RBFOX1: variants seen among roughly 807,000 people sequenced by gnomAD.
RBFOX1 encodes the protein RNA binding fox-1 homolog 1.
RBFOX1 carries 8 observed loss-of-function variants against 57.7 expected under a neutral mutation model. The ratio of observed to expected loss-of-function variants is 0.14; its 90% CI spans 0.08 to 0.25. The LOEUF is 0.25. RBFOX1 is among the 10% of genes least tolerant of loss of function. The probability of loss-of-function intolerance (pLI) is 1.00; values close to 1 mark genes in which losing one functional copy is unlikely to be tolerated. For missense variants in RBFOX1, 611 were observed against 548.5 expected (o/e 1.11, Z -1.14); for synonymous variants, 326 against 222.4 (o/e 1.47, Z -4.15).
chr16:6,880,887 C>G (rs958000030), intron 3 of RBFOX1, among the ~76,000 whole-genome samples: 1 of 152,154 alleles, frequency 6.6e-6, no homozygotes, highest in African/African-American at 2.4e-5. Flanking sequence ...CAGAAATAAG[C>G]TACTTGAAGC....
intron 3 of RBFOX1, among the ~76,000 whole-genome samples, chr16:6,780,238 TATTTAC>T (rs1410498009): frequency 1.2e-5 from 1 of 85,446 alleles, no homozygotes; most frequent in African/African-American, 5.2e-5. Context: ...TATTTATATA[TATTTAC>T]ATATATATTT....
At chr16:7,697,436 C>T (rs1489028754) in intron 14 of RBFOX1, among the ~76,000 whole-genome samples, 1 of 152,122 alleles carries the variant, frequency 6.6e-6, no homozygotes. Flanking sequence ...TTGTTGAGGG[C>T]TTTGCTGAAC....
intron 2 of RBFOX1, among the ~76,000 whole-genome samples, chr16:5,469,418 C>T (rs560367277): frequency 6.6e-4 from 100 of 152,260 alleles, no homozygotes; most frequent in African/African-American, 2.2e-3. Flanking sequence ...CAGGGATTAT[C>T]CCAGGTGCCT....
At chr16:5,412,137 G>T (rs547898466) in intron 1 of RBFOX1, among the ~76,000 whole-genome samples, 2 of 151,940 alleles carry the variant, frequency 1.3e-5, no homozygotes, top group African/African-American at 4.8e-5. Context: ...TCTCTGGACA[G>T]AGGTCAAACG....
intron 3 of RBFOX1, among the ~76,000 whole-genome samples, chr16:6,895,225 G>T (rs1442094385): frequency 6.6e-6 from 1 of 151,682 alleles, no homozygotes; most frequent in Non-Finnish European, 1.5e-5. Flanking sequence ...CCAAACCTCA[G>T]AGACCAAATG....
At chr16:5,717,483 A>T (rs1193814500) in intron 3 of RBFOX1, among the ~76,000 whole-genome samples, 2 of 152,154 alleles carry the variant, frequency 1.3e-5, no homozygotes, top group African/African-American at 4.8e-5. Context: ...TCCAATATGT[A>T]GTCTTTTATC....
chr16:6,421,291 G>A (rs368296454), intron 2 of RBFOX1, among the ~76,000 whole-genome samples: 1 of 152,206 alleles, frequency 6.6e-6, no homozygotes, highest in Non-Finnish European at 1.5e-5. Flanking sequence ...GGGAGAAGGA[G>A]TCTTGAGCCC....
rs141513886 is a variant in RBFOX1, at chr16:7,392,536, G to A, written c.28-125611G>A. On this transcript the variant is annotated intron_variant, in intron 4 of 15. Transcript: ENST00000550418. ...ATGGGAGATATTTAGGGTCAAGGAA[G>A]AAAGAAGGCAGGCATGTTCATATTT... Among the ~76,000 whole-genome samples, 3 of 152,334 alleles carry A rather than the reference G, an allele frequency of 2.0e-5. No individual in the cohort carries two copies. In the East Asian group the frequency reaches 5.8e-4, roughly 29 times the overall value.
Position 6,580,018 on chromosome 16 carries a change from G to A in RBFOX1, c.-63-74585G>A, listed in dbSNP as rs192326280. Reference sequence around the variant, plus strand: ...CTGTCGCCCAGGCTGGAGTGCAGCGGTGTGATCTCAGATCACTGCAACTTC... The same window carrying A: ...CTGTCGCCCAGGCTGGAGTGCAGCGATGTGATCTCAGATCACTGCAACTTC... On this transcript the variant is annotated intron_variant, in intron 2 of 15. Transcript: ENST00000550418. Among the ~76,000 whole-genome samples, 73 of 152,026 alleles carry A rather than the reference G, an allele frequency of 4.8e-4. 1 individual carries two copies. The highest frequency in any genetic ancestry group is 7.6e-4 in the Non-Finnish European group (52 of 68,010).
At chr16:7,377,892 C>T (rs2097713428) in intron 4 of RBFOX1, among the ~76,000 whole-genome samples, 1 of 152,032 alleles carries the variant, frequency 6.6e-6, no homozygotes, top group African/African-American at 2.4e-5. Flanking sequence ...ATTGATGCTC[C>T]CATAGTTTGG....
At chr16:6,620,154 T>C (rs887303587) in intron 2 of RBFOX1, among the ~76,000 whole-genome samples, 3 of 152,148 alleles carry the variant, frequency 2.0e-5, no homozygotes, top group Admixed American at 2.0e-4. Flanking sequence ...AACAGTCTCT[T>C]GCACCACAGC....
At chr16:6,043,478 T>G (rs184725353) in intron 1 of RBFOX1, among the ~76,000 whole-genome samples, 14 of 152,354 alleles carry the variant, frequency 9.2e-5, no homozygotes, top group Non-Finnish European at 1.3e-4. Flanking sequence ...TTGGGTATCT[T>G]ATTCCCAAAG....
intron 3 of RBFOX1, among the ~76,000 whole-genome samples, chr16:6,976,336 C>G (rs1180218177): frequency 1.3e-5 from 2 of 152,242 alleles, no homozygotes; most frequent in South Asian, 2.1e-4. Flanking sequence ...AATTTCTCCT[C>G]TATCCTTGTT....
chr16:5,304,434 G>A lies in RBFOX1; in HGVS notation c.219+64329G>A, dbSNP rs371898875. ...CCTCCTACTTTTTGAACCTGATTGG[G>A]GCAACTGCGTTCTTCTGACCTGTGC... On this transcript the variant is annotated intron_variant, in intron 1 of 2. Transcript: ENST00000585867. Among the ~76,000 whole-genome samples, 6 of 152,224 alleles carry A rather than the reference G, an allele frequency of 3.9e-5. No homozygotes were observed. In the East Asian group the frequency reaches 9.7e-4, roughly 25 times the overall value.
At position 7,660,829 on chromosome 16, in the gene RBFOX1, A is replaced by C. The variant is rs552617145; in HGVS notation, c.891-4100A>C. On this transcript the variant is annotated intron_variant, in intron 12 of 15. Transcript: ENST00000550418. ...AAAGTCCTCCAGGTGATTCTGCTAC[A>C]CATTCAAGTTTGACCACCACTGCCT... Among the ~76,000 whole-genome samples, 3 of 152,334 alleles carry C rather than the reference A, an allele frequency of 2.0e-5. 1 individual carries two copies. In the South Asian group the frequency reaches 6.2e-4, roughly 32 times the overall value.
intron 5 of RBFOX1, among the ~76,000 whole-genome samples, chr16:7,554,787 C>G (rs1351563952): frequency 6.6e-6 from 1 of 152,018 alleles, no homozygotes; most frequent in Admixed American, 6.6e-5. Context: ...CGACATCAAA[C>G]CTGTAATCTT....
intron 4 of RBFOX1, among the ~76,000 whole-genome samples, chr16:7,349,236 G>A (rs986380320): frequency 1.3e-5 from 2 of 152,130 alleles, no homozygotes; most frequent in Non-Finnish European, 2.9e-5. Flanking sequence ...CTTCCTGGCA[G>A]CCTTCTATCA....
chr16:6,014,527 A>G (rs2094981599), upstream of RBFOX1, among the ~76,000 whole-genome samples: 1 of 152,170 alleles, frequency 6.6e-6, no homozygotes, highest in Admixed American at 6.5e-5. Context: ...AGTTCAAGCA[A>G]TCAATAACTA....
chr16:6,525,014 C>G (rs557478936), intron 2 of RBFOX1, among the ~76,000 whole-genome samples: 20 of 152,262 alleles, frequency 1.3e-4, no homozygotes, highest in Admixed American at 1.2e-3. Flanking sequence ...AGAGGACACT[C>G]TTAGTACAGA....
Sources: gnomAD v4.1 joint callset for allele counts (sites outside exome capture counted in the v4.1 genomes callset) on GRCh38, gnomAD v4.1.1 for gene constraint, MANE v1.5 for transcripts, NCBI Gene and HGNC (gene_info 2026-07-23, HGNC 2026-07-21) for gene names.